The following TRIM66 variants were observed in gnomAD, a reference collection of about 807,000 sequenced individuals.
TRIM66 encodes tripartite motif-containing protein 66.
Under a neutral mutation model 148.2 loss-of-function variants are expected in TRIM66, and 99 were observed. That is an observed-to-expected ratio of 0.67 (90% CI 0.57 to 0.79). TRIM66 has a LOEUF of 0.79. TRIM66 is among the 30% of genes least tolerant of loss of function. TRIM66 has a pLI of 0.00. For synonymous variants in TRIM66, 616 were observed against 635.9 expected (o/e 0.97, Z 0.47); for missense variants, 1,666 against 1,697.9 (o/e 0.98, Z 0.33).
chr11:8,680,980 A>C (rs151136458), intron 1 of TRIM66: 118 of 152,388 alleles, frequency 7.7e-4, no homozygotes, highest in African/African-American at 2.8e-3. Flanking sequence ...CAATTCGTTC[A>C]TTAATGACAT....
chr11:8,645,817 A>AACTG lies in TRIM66; in HGVS notation c.1024_1027dup (p.Phe343SerfsTer3), dbSNP rs1303698685. 7.1e-6 allele frequency: 11 copies of AACTG among 1,551,630 alleles called. No homozygotes were observed. Among genetic ancestry groups the AACTG allele is most frequent in the Non-Finnish European group, 8.7e-6 (10 of 1,147,000 alleles). On this transcript the variant is annotated frameshift_variant, in exon 12 of 25. Transcript: ENST00000646038. LOFTEE classifies it high-confidence loss of function. ...GTTGATGAAATTCTGCACATGCTCA[A>AACTG]ACTGACGGTTGAGAACCATGATGCT... is the stretch of plus-strand genomic sequence containing the variant.
chr11:8,625,669 C>T (rs2034773598), intron 15 of TRIM66, among the ~76,000 whole-genome samples: 1 of 152,174 alleles, frequency 6.6e-6, no homozygotes, highest in African/African-American at 2.4e-5. Context: ...TCTGACTATA[C>T]CACCAGTGGC....
Position 8,622,825 on chromosome 11 carries a change from T to C in TRIM66, c.3071A>G (p.Gln1024Arg). Reference protein sequence around the residue: ...GALELDAKENQSIRAFNSEHK... With the variant: ...GALELDAKENRSIRAFNSEHK... ...GCCAGAAGGCTGTTACCTGATGCTC[T>C]GGTTCTCTTTTGCATCCAGCTCTAG... is the stretch of plus-strand genomic sequence containing the variant. Residue 1024 changes from glutamine to arginine, a missense_variant, in exon 18 of 25, where the codon CAG (glutamine) becomes CGG (arginine). Physicochemically the swap from Gln to Arg is conservative, Grantham distance 43. This residue lies in a region of TRIM66 where 1,431 missense variants were observed against 1,412.4 expected (regional missense o/e 1.01). Transcript: ENST00000646038. 6.4e-7 allele frequency: 1 copy of C among 1,552,016 alleles called. No individual in the cohort carries two copies. The highest frequency in any genetic ancestry group is 1.2e-5 in the South Asian group (1 of 84,068).
In TRIM66 at chr11:8,651,912, G is replaced by T; in HGVS notation, c.341-9C>A. The T allele has an allele frequency of 1.0e-5, 16 of 1,546,436 alleles. No homozygotes were observed. The highest frequency in any genetic ancestry group is 1.4e-5 in the Non-Finnish European group (16 of 1,143,086). On this transcript the variant is annotated splice_polypyrimidine_tract_variant and intron_variant, in intron 6 of 24. Coordinates refer to ENST00000646038, the MANE Select transcript of TRIM66 (RefSeq NM_001388022.1). ...AGGACAGGAGATGAGCTCTGTGCAA[G>T]AAAGAAAGATAGCAGAGTCAGGGCA...
chr11:8,621,462 G>C, intron 19 of TRIM66, 141 bp from the exon 20 acceptor site: 1 of 1,328,056 alleles, frequency 7.5e-7, no homozygotes, highest in Non-Finnish European at 1.0e-6. Context: ...CCCCATGAAT[G>C]CTGGGACACC....
upstream of TRIM66, chr11:8,682,824 T>G: frequency 6.2e-7 from 1 of 1,611,732 alleles, no homozygotes; most frequent in Non-Finnish European, 8.5e-7. Context: ...ATGGTAGGTG[T>G]TTCGTTTCTT....
At chr11:8,639,700 G>A (rs962129400) in intron 14 of TRIM66, among the ~76,000 whole-genome samples, 1 of 152,192 alleles carries the variant, frequency 6.6e-6, no homozygotes, top group Non-Finnish European at 1.5e-5. Context: ...ATGATATGGT[G>A]CATATAAAAC....
intron 15 of TRIM66, among the ~76,000 whole-genome samples, chr11:8,629,433 C>T (rs757921732): frequency 6.6e-6 from 1 of 152,154 alleles, no homozygotes; most frequent in South Asian, 2.1e-4. Flanking sequence ...TGTTGCCAAG[C>T]ATTAAGAGCA....
intron 15 of TRIM66, among the ~76,000 whole-genome samples, chr11:8,625,704 T>C (rs1224685753): frequency 6.6e-6 from 1 of 152,174 alleles, no homozygotes; most frequent in Non-Finnish European, 1.5e-5. Flanking sequence ...AGGGGTGCTA[T>C]AGAATAGTTT....
rs2033804019 is a variant in TRIM66 at position 8,617,641 on chromosome 11, A to C, written c.*303T>G. On this transcript the variant is annotated 3_prime_UTR_variant, in exon 25 of 25. Transcript: ENST00000646038. ...TTCCCAGGCAGAAAAAAATTCACCA[A>C]GGAAAGTAGGTTTTCCCGAGCCTAA... is the stretch of plus-strand genomic sequence containing the variant. 2.1e-5 allele frequency: 8 copies of C among 373,592 alleles called. No homozygotes were observed. The highest frequency in any genetic ancestry group is 3.8e-5 in the Non-Finnish European group (8 of 208,900). 23.1% of individuals were successfully genotyped at this position (373,592 alleles called of 1,614,324 possible).
chr11:8,637,436 G>A (rs1002230457), intron 15 of TRIM66, among the ~76,000 whole-genome samples: 1 of 151,944 alleles, frequency 6.6e-6, no homozygotes, highest in African/African-American at 2.4e-5. Flanking sequence ...AGCCACAAAG[G>A]GCCAATATAC....
intron 6 of TRIM66, among the ~76,000 whole-genome samples, chr11:8,656,321 G>A (rs112082644): frequency 1.3e-5 from 2 of 152,080 alleles, no homozygotes; most frequent in Non-Finnish European, 2.9e-5. Flanking sequence ...ATATTATTTA[G>A]ATATCATGCT....
chr11:8,679,190 C>G (rs1269579475), intron 3 of TRIM66: 2 of 152,246 alleles, frequency 1.3e-5, no homozygotes, highest in South Asian at 4.1e-4. Flanking sequence ...GCTTTGTCTG[C>G]TCTCTCAGAC....
intron 6 of TRIM66, 31 bp from the exon 7 acceptor site, chr11:8,651,934 G>T (rs1332156475): frequency 6.6e-7 from 1 of 1,518,108 alleles, no homozygotes; most frequent in African/African-American, 1.4e-5. Context: ...GCAGAGTCAG[G>T]GCAACATGGC....
At position 8,624,753 on chromosome 11, in the gene TRIM66, C is replaced by T. The variant is rs1420268678; in HGVS notation, c.2786G>A (p.Arg929Lys). The T allele has an allele frequency of 6.5e-7, 1 of 1,546,090 alleles. No individual in the cohort carries two copies. Among genetic ancestry groups the T allele is most frequent in the Admixed American group, 2.0e-5 (1 of 50,800 alleles). The change falls in exon 16 of 25, where the codon AGA becomes AAA. Residue 929 changes from arginine (R) to lysine (K), a missense_variant. Physicochemically the swap from Arg to Lys is conservative, Grantham distance 26 (BLOSUM62 2). Transcript: ENST00000646038. ...SGRTSGSLCP[R>K]DGADPSLENA... ...CTCCAGGGAGGGATCAGCCCCATCT[C>T]TGGGACACAGGCTCCCTGAAGTTCG... is the stretch of plus-strand genomic sequence containing the variant.
At chr11:8,625,591 C>A (rs1372973211) in intron 15 of TRIM66, among the ~76,000 whole-genome samples, 1 of 152,026 alleles carries the variant, frequency 6.6e-6, no homozygotes, top group Non-Finnish European at 1.5e-5. Context: ...CAGCCATATC[C>A]CTCACCCCAG....
intron 6 of TRIM66, among the ~76,000 whole-genome samples, chr11:8,667,794 T>G (rs186515518): frequency 2.6e-5 from 4 of 152,370 alleles, no homozygotes; most frequent in Non-Finnish European, 4.4e-5. Context: ...TATACCACAT[T>G]TTGTTTATCC....
chr11:8,621,215 G>GTGC lies in TRIM66; in HGVS notation c.3359_3361dup (p.Gly1120_Thr1121insSer), dbSNP rs2034179323. On this transcript the variant is annotated inframe_insertion, in exon 20 of 25. Transcript: ENST00000646038. ...AATGAGTCTGTGTTCTTCAGGAGATGTGCCCTCCACTTCTGGTGGCCGCTG... is the reference window on the plus strand; with the variant it reads ...AATGAGTCTGTGTTCTTCAGGAGATGTGCTGCCCTCCACTTCTGGTGGCCGCTG... The GTGC allele has an allele frequency of 6.4e-7, 1 of 1,551,748 alleles. No homozygotes were observed. The highest frequency in any genetic ancestry group is 1.4e-5 in the African/African-American group (1 of 73,178).
chr11:8,682,910 CG>C, upstream of TRIM66: 1 of 1,453,406 alleles, frequency 6.9e-7, no homozygotes, highest in Non-Finnish European at 9.3e-7. Flanking sequence ...CTACCATGGT[CG>C]GGGCTTCCAG....
Sources: gnomAD v4.1 joint callset for allele counts (sites outside exome capture counted in the v4.1 genomes callset) on GRCh38, gnomAD v4.1.1 for gene constraint, gnomAD v4.1.1 regional missense constraint, MANE v1.5 for transcripts, NCBI Gene and HGNC (gene_info 2026-07-23, HGNC 2026-07-21) for gene names.